The following NOP10 variants were observed in gnomAD, a reference collection of about 807,000 sequenced individuals.
The protein encoded by NOP10 is H/ACA ribonucleoprotein complex subunit 3.
A neutral mutation model predicts 9.5 loss-of-function variants in NOP10; 6 were observed. The ratio of observed to expected loss-of-function variants is 0.63; its 90% CI spans 0.35 to 1.25. The LOEUF (loss-of-function observed/expected upper bound fraction) is 1.25, where lower values mean the gene tolerates loss of function less well. Among genes scored for constraint, NOP10 ranks in the 50% most tolerant of loss-of-function variants. NOP10 has a pLI of 0.03. For synonymous variants in NOP10, 28 were observed against 30.7 expected, an observed-to-expected ratio of 0.91 and a Z score of 0.29; for missense variants, 75 against 81.3, an observed-to-expected ratio of 0.92 and a Z score of 0.30.
At chr15:34,342,314 G>A (rs1399189890) in intron 1 of NOP10, among the ~76,000 whole-genome samples, 1 of 130,756 alleles carries the variant, frequency 7.6e-6, no homozygotes, top group Non-Finnish European at 1.7e-5. Flanking sequence ...GAGGCGGGAG[G>A]ATGGTTTGAG....
Position 34,343,033 on chromosome 15 carries a change from A to C in NOP10, c.41T>G (p.Val14Gly), listed in dbSNP as rs764689942. The part of the protein sequence containing the change: ...QYYLNEQGDR[V>G]YTLKKFDPMG... ...TTCTCTCCTCACCTTCAGCGTATAG[A>C]CTCGATCTCCCTGCTCGTTGAGGTA... The change falls in exon 1 of 2, where the codon GTC (valine) becomes GGC (glycine). Residue 14 changes from valine (V) to glycine (G), a missense_variant. Physicochemically the swap from Val to Gly is moderately radical, Grantham distance 109. Coordinates refer to ENST00000328848, the MANE Select transcript of NOP10 (RefSeq NM_018648.4). 3 of 1,613,726 alleles carry C rather than the reference A, an allele frequency of 1.9e-6. No individual in the cohort carries two copies. The highest frequency in any genetic ancestry group is 2.7e-5 in the African/African-American group (2 of 74,780).
At position 34,341,726 on chromosome 15, in the gene NOP10, A is replaced by T. The variant is rs959011770; in HGVS notation, c.*242T>A. The T allele has an allele frequency of 5.7e-6, 3 of 523,476 alleles. No individual in the cohort carries two copies. The African/African-American group carries it at 5.8e-5, about 10-fold the overall frequency. 32.4% of individuals were successfully genotyped at this position (523,476 alleles called of 1,614,324 possible). ...CAACTCACAAAATAAGAGTTTTTCA[A>T]ATCATTTTATCTTTAATAATCTTGT... On this transcript the variant is annotated 3_prime_UTR_variant, in exon 2 of 2. Coordinates refer to ENST00000328848, the MANE Select transcript of NOP10 (RefSeq NM_018648.4).
In NOP10 at chr15:34,341,915, C is replaced by T. The variant is rs963339972; in HGVS notation, c.*53G>A. On this transcript the variant is annotated 3_prime_UTR_variant, in exon 2 of 2. Coordinates refer to ENST00000328848, the MANE Select transcript of NOP10 (RefSeq NM_018648.4). The stretch of plus-strand genomic sequence containing the variant: ...GCTCACAGTCCGAAGAGTTTGGTTA[C>T]GGAGTCTCCGAGGGGTAACAGGTGG... The T allele has an allele frequency of 3.1e-6, 5 of 1,592,946 alleles. No individual in the cohort carries two copies. In the East Asian group the frequency reaches 6.7e-5, roughly 21 times the overall value.
Position 34,343,002 on chromosome 15 carries a change from CCT to C in NOP10, c.54+16_54+17del, listed in dbSNP as rs752872403. The C allele has an allele frequency of 3.1e-6, 5 of 1,611,546 alleles. No homozygotes were observed. The highest frequency in any genetic ancestry group is 1.1e-5 in the South Asian group (1 of 91,032). On this transcript the variant is annotated intron_variant, in intron 1 of 1. Transcript: ENST00000328848. ...CATTTCTCGCCATGCCTATTTACAC[CCT>C]GTTTTCTCTCCTCACCTTCAGCGTA...
chr15:34,341,889 G>T lies in NOP10; in HGVS notation c.*79C>A. The T allele has an allele frequency of 6.8e-7, 1 of 1,469,836 alleles. No individual in the cohort carries two copies. The highest frequency in any genetic ancestry group is 9.4e-7 in the Non-Finnish European group (1 of 1,058,976). 91.0% of individuals were successfully genotyped at this position (1,469,836 alleles called of 1,614,324 possible). A position where few individuals can be genotyped will look rare whatever the true frequency, so the allele number is the denominator to read the frequency against. ...AGTATGGCTGGCAAAAAGGCATCAG[G>T]GCTCACAGTCCGAAGAGTTTGGTTA... On this transcript the variant is annotated 3_prime_UTR_variant, in exon 2 of 2. Coordinates refer to ENST00000328848, the MANE Select transcript of NOP10 (RefSeq NM_018648.4).
chr15:34,341,814 A>G lies in NOP10; in HGVS notation c.*154T>C. 1.3e-6 allele frequency: 1 copy of G among 764,612 alleles called. No homozygotes were observed. Among genetic ancestry groups the G allele is most frequent in the Non-Finnish European group, 2.3e-6 (1 of 437,380 alleles). The allele number at this position is 764,612 out of a possible 1,614,324, so 47.4% of individuals were successfully genotyped here. ...TCCCTTTATGGGTGATGCCACCATG[A>G]TTGCCTCACACAAGCATAATCAATC... On this transcript the variant is annotated 3_prime_UTR_variant, in exon 2 of 2. Transcript: ENST00000328848.
Position 34,341,795 on chromosome 15 carries a change from T to C in NOP10, c.*173A>G. On this transcript the variant is annotated 3_prime_UTR_variant, in exon 2 of 2. Transcript: ENST00000328848. ...AAAAAAAAGTCAAATGTGTTCCCTT[T>C]ATGGGTGATGCCACCATGATTGCCT... The C allele has an allele frequency of 1.4e-6, 1 of 707,752 alleles. No homozygotes were observed. 43.8% of individuals were successfully genotyped at this position (707,752 alleles called of 1,614,324 possible).
Position 34,343,129 on chromosome 15 carries a change from C to T in NOP10, c.-56G>A. 1 of 1,513,352 alleles carries T rather than the reference C, an allele frequency of 6.6e-7. No individual in the cohort carries two copies. Among genetic ancestry groups the T allele is most frequent in the Non-Finnish European group, 9.2e-7 (1 of 1,087,996 alleles). 93.7% of individuals were successfully genotyped at this position (1,513,352 alleles called of 1,614,324 possible). On this transcript the variant is annotated 5_prime_UTR_variant, in exon 1 of 2. Transcript: ENST00000328848. ...GTCCACCGCTCAGTCTGCAGTGGTC[C>T]GCCCGACCGCGTCACGTGTTCGTCA...
chr15:34,343,128 C>G lies in NOP10; in HGVS notation c.-55G>C, dbSNP rs1890514270. ...GGTCCACCGCTCAGTCTGCAGTGGT[C>G]CGCCCGACCGCGTCACGTGTTCGTC... On this transcript the variant is annotated 5_prime_UTR_variant, in exon 1 of 2. Coordinates refer to ENST00000328848, the MANE Select transcript of NOP10 (RefSeq NM_018648.4). The G allele has an allele frequency of 2.0e-6, 3 of 1,525,510 alleles. No individual in the cohort carries two copies. In the South Asian group the frequency reaches 3.4e-5, roughly 17 times the overall value. 94.5% of individuals were successfully genotyped at this position (1,525,510 alleles called of 1,614,324 possible). A position where few individuals can be genotyped will look rare whatever the true frequency, so the allele number is the denominator to read the frequency against.
At chr15:34,342,946 C>A (rs1362398396) in intron 1 of NOP10, 74 bp downstream of exon 1, 9 of 1,393,912 alleles carry the variant, frequency 6.5e-6, no homozygotes, top group Non-Finnish European at 9.2e-6. Flanking sequence ...TAGGTAACTC[C>A]ACGTATGACC....
rs1287418136 is a variant in NOP10 at position 34,341,982 on chromosome 15, G to A, written c.181C>T (p.Arg61Cys). The change falls in exon 2 of 2, where the codon CGC becomes TGC. Residue 61 changes from arginine to cysteine, a missense_variant. Coordinates refer to ENST00000328848, the MANE Select transcript of NOP10 (RefSeq NM_018648.4). Reference protein sequence around the residue: ...RFKVLMTQQPRPVL With the variant: ...RFKVLMTQQPCPVL Reference sequence around the variant, plus strand: ...TTAAGGGACCCTCAGAGGACAGGGCGCGGTTGCTGGGTCATGAGCACCTTG... The same window carrying A: ...TTAAGGGACCCTCAGAGGACAGGGCACGGTTGCTGGGTCATGAGCACCTTG... 6 of 1,613,908 alleles carry A rather than the reference G, an allele frequency of 3.7e-6. No individual in the cohort carries two copies. Among genetic ancestry groups the A allele is most frequent in the African/African-American group, 1.3e-5 (1 of 74,900 alleles).
In NOP10 at chr15:34,343,078, G is replaced by A. The variant is rs181783900; in HGVS notation, c.-5C>T. The A allele has an allele frequency of 8.0e-5, 129 of 1,614,088 alleles. No homozygotes were observed. The African/African-American group carries it at 1.0e-3, about 13-fold the overall frequency. The stretch of plus-strand genomic sequence containing the variant: ...GAGGTAATACTGGAGAAACATGATC[G>A]CTTATAAGCCAGCGGTCCCAATTCG... On this transcript the variant is annotated 5_prime_UTR_variant, in exon 1 of 2. Transcript: ENST00000328848.
At chr15:34,342,265 C>T (rs1187260620) in intron 1 of NOP10, among the ~76,000 whole-genome samples, 157 bp from the exon 2 acceptor site, 1 of 151,954 alleles carries the variant, frequency 6.6e-6, no homozygotes, top group African/African-American at 2.4e-5. Flanking sequence ...AGGCCGAGCG[C>T]GGTGGCTCAC....
rs1890514216 is a variant in NOP10, at chr15:34,343,125, G to A, written c.-52C>T. ...TTCGGTCCACCGCTCAGTCTGCAGTGGTCCGCCCGACCGCGTCACGTGTTC... is the reference window on the plus strand; with the variant it reads ...TTCGGTCCACCGCTCAGTCTGCAGTAGTCCGCCCGACCGCGTCACGTGTTC... On this transcript the variant is annotated 5_prime_UTR_variant, in exon 1 of 2. Transcript: ENST00000328848. 5 of 1,564,504 alleles carry A rather than the reference G, an allele frequency of 3.2e-6. No individual in the cohort carries two copies. Among genetic ancestry groups the A allele is most frequent in the Admixed American group, 1.7e-5 (1 of 59,932 alleles).
intron 1 of NOP10, among the ~76,000 whole-genome samples, chr15:34,342,404 A>G (rs1053416093): frequency 1.3e-5 from 2 of 151,686 alleles, no homozygotes; most frequent in Non-Finnish European, 2.9e-5. Flanking sequence ...AAAAAACCCC[A>G]AAACCAAAAA....
chr15:34,341,885 T>A lies in NOP10; in HGVS notation c.*83A>T. 6.9e-7 allele frequency: 1 copy of A among 1,444,512 alleles called. No homozygotes were observed. Among genetic ancestry groups the A allele is most frequent in the Non-Finnish European group, 9.6e-7 (1 of 1,037,854 alleles). 89.5% of individuals were successfully genotyped at this position (1,444,512 alleles called of 1,614,324 possible). A position where few individuals can be genotyped will look rare whatever the true frequency, so the allele number is the denominator to read the frequency against. ...AAAGAGTATGGCTGGCAAAAAGGCA[T>A]CAGGGCTCACAGTCCGAAGAGTTTG... is the stretch of plus-strand genomic sequence containing the variant. On this transcript the variant is annotated 3_prime_UTR_variant, in exon 2 of 2. Transcript: ENST00000328848.
chr15:34,341,784 T>A lies in NOP10; in HGVS notation c.*184A>T, dbSNP rs113289404. On this transcript the variant is annotated 3_prime_UTR_variant, in exon 2 of 2. Transcript: ENST00000328848. Reference sequence around the variant, plus strand: ...TAAAATATGAGAAAAAAAAGTCAAATGTGTTCCCTTTATGGGTGATGCCAC... The same window carrying A: ...TAAAATATGAGAAAAAAAAGTCAAAAGTGTTCCCTTTATGGGTGATGCCAC... 4.1e-4 allele frequency: 268 copies of A among 658,144 alleles called. No homozygotes were observed. In the African/African-American group the frequency reaches 4.4e-3, roughly 11 times the overall value. 40.8% of individuals were successfully genotyped at this position (658,144 alleles called of 1,614,324 possible).
In NOP10 at chr15:34,341,896, A is replaced by G; in HGVS notation, c.*72T>C. On this transcript the variant is annotated 3_prime_UTR_variant, in exon 2 of 2. Transcript: ENST00000328848. ...CTGGCAAAAAGGCATCAGGGCTCACAGTCCGAAGAGTTTGGTTACGGAGTC... is the reference window on the plus strand; with the variant it reads ...CTGGCAAAAAGGCATCAGGGCTCACGGTCCGAAGAGTTTGGTTACGGAGTC... The G allele has an allele frequency of 6.6e-7, 1 of 1,516,878 alleles. No individual in the cohort carries two copies. Among genetic ancestry groups the G allele is most frequent in the Non-Finnish European group, 9.1e-7 (1 of 1,098,460 alleles). The allele number at this position is 1,516,878 out of a possible 1,614,324, so 94.0% of individuals were successfully genotyped here. A position where few individuals can be genotyped will look rare whatever the true frequency, so the allele number is the denominator to read the frequency against.
intron 1 of NOP10, 50 bp from the exon 2 acceptor site, chr15:34,342,158 G>A: frequency 6.3e-7 from 1 of 1,578,662 alleles, no homozygotes; most frequent in Non-Finnish European, 8.7e-7. Context: ...ATGAAATGGG[G>A]TGGGGCCAGC....
Sources: gnomAD v4.1 joint callset for allele counts (sites outside exome capture counted in the v4.1 genomes callset) on GRCh38, gnomAD v4.1.1 for gene constraint, MANE v1.5 for transcripts, NCBI Gene and HGNC (gene_info 2026-07-23, HGNC 2026-07-21) for gene names.